Variants in SPAG16 observed in about 807,000 individuals in gnomAD.
SPAG16 encodes the protein sperm associated antigen 16.
Under a neutral mutation model 80.4 loss-of-function variants are expected in SPAG16, and 86 were observed. The ratio of observed to expected loss-of-function variants is 1.07; its 90% CI spans 0.90 to 1.28. The LOEUF is 1.28. SPAG16 is among the 50% of genes most tolerant of loss of function. The pLI is 0.00. For missense variants in SPAG16, 870 were observed against 765.3 expected (o/e 1.14, Z -1.61); for synonymous variants, 294 against 265.9 (o/e 1.11, Z -1.03).
At chr2:213,425,195 C>T (rs1227293696) in intron 9 of SPAG16, among the ~76,000 whole-genome samples, 4 of 151,714 alleles carry the variant, frequency 2.6e-5, no homozygotes, top group African/African-American at 4.8e-5. Flanking sequence ...TGGTGGTGGG[C>T]GCCTGTAGTC....
intron 9 of SPAG16, among the ~76,000 whole-genome samples, chr2:213,448,565 C>T (rs1202237815): frequency 6.6e-6 from 1 of 152,128 alleles, no homozygotes; most frequent in Non-Finnish European, 1.5e-5. Context: ...AGAGAATGAA[C>T]AAGCCTTCAT....
intron 15 of SPAG16, among the ~76,000 whole-genome samples, chr2:214,366,820 T>C (rs1212426342): frequency 6.6e-6 from 1 of 152,026 alleles, no homozygotes; most frequent in African/African-American, 2.4e-5. Context: ...TTAGACTACA[T>C]GTAGTACCTA....
In SPAG16 at chr2:213,964,457, T is replaced by G. The variant is rs577177441; in HGVS notation, c.1400+34312T>G. Among the ~76,000 whole-genome samples, 3 of 152,330 alleles carry G rather than the reference T, an allele frequency of 2.0e-5. No homozygotes were observed. The East Asian group carries it at 5.8e-4, about 29-fold the overall frequency. On this transcript the variant is annotated intron_variant, in intron 12 of 15. Coordinates refer to ENST00000331683, the MANE Select transcript of SPAG16 (RefSeq NM_024532.5). ...ATATTGATTTATTTGGGAATATTTT[T>G]ATTTCACCTTTTTTGAAATATAGTT...
rs918037673 is a variant in SPAG16 at position 214,220,256 on chromosome 2, T to G, written c.1720+70990T>G. ...CAGATCTTCTTATATCTAATCTGCT[T>G]ATAACTTTTACCTAGAAAATCAGCC... On this transcript the variant is annotated intron_variant, in intron 15 of 15. Coordinates refer to ENST00000331683, the MANE Select transcript of SPAG16 (RefSeq NM_024532.5). 3.3e-4 allele frequency among the ~76,000 whole-genome samples: 50 copies of G among 152,252 alleles called. No homozygotes were observed. The Middle Eastern group carries it at 0.01, about 31-fold the overall frequency.
intron 13 of SPAG16, among the ~76,000 whole-genome samples, chr2:214,017,605 T>A (rs866595601): frequency 2.6e-5 from 4 of 152,272 alleles, no homozygotes; most frequent in South Asian, 2.1e-4. Context: ...CATACAGCTG[T>A]TTATTGATGG....
At chr2:213,465,440 G>A (rs890965998) in intron 9 of SPAG16, among the ~76,000 whole-genome samples, 6 of 152,074 alleles carry the variant, frequency 3.9e-5, no homozygotes, top group South Asian at 2.1e-4. Flanking sequence ...CCTCTAAGGG[G>A]TTTTTTTGAG....
Position 213,324,214 on chromosome 2 carries a change from C to T in SPAG16, c.536+6858C>T, listed in dbSNP as rs1325187912. Among the ~76,000 whole-genome samples, 3 of 151,870 alleles carry T rather than the reference C, an allele frequency of 2.0e-5. No homozygotes were observed. In the South Asian group the frequency reaches 6.3e-4, roughly 32 times the overall value. On this transcript the variant is annotated intron_variant, in intron 5 of 15. Transcript: ENST00000331683. The stretch of plus-strand genomic sequence containing the variant: ...TAATCAACACTCTACTTTTGTCATT[C>T]TTATTTCACTTCTACTCTTACCCAT...
chr2:213,866,526 G>A (rs974873290), intron 11 of SPAG16, among the ~76,000 whole-genome samples: 1 of 150,324 alleles, frequency 6.7e-6, no homozygotes, highest in Non-Finnish European at 1.5e-5. Flanking sequence ...GTTAACACAC[G>A]TTTGCATATA....
At chr2:213,657,566 TTA>T (rs1007828012) in intron 10 of SPAG16, among the ~76,000 whole-genome samples, 3 of 152,184 alleles carry the variant, frequency 2.0e-5, no homozygotes, top group Admixed American at 1.3e-4. Context: ...TTTTAAATTT[TTA>T]TGTTTTTATG....
chr2:213,907,896 A>G (rs1170042391), intron 11 of SPAG16, among the ~76,000 whole-genome samples: 1 of 152,164 alleles, frequency 6.6e-6, no homozygotes, highest in Non-Finnish European at 1.5e-5. Context: ...ATAGAAAGAA[A>G]TGGTACAAAT....
intron 10 of SPAG16, among the ~76,000 whole-genome samples, chr2:213,577,450 T>G (rs536532479): frequency 2.0e-5 from 3 of 152,224 alleles, no homozygotes; most frequent in African/African-American, 7.2e-5. Flanking sequence ...TTTATGATAT[T>G]TTTCCAGTCC....
intron 10 of SPAG16, among the ~76,000 whole-genome samples, chr2:213,806,295 T>A (rs1275644036): frequency 6.6e-6 from 1 of 152,222 alleles, no homozygotes; most frequent in Non-Finnish European, 1.5e-5. Flanking sequence ...GAATTATGAA[T>A]ATAACTTTTA....
In SPAG16 at chr2:214,354,413, A is replaced by C. The variant is rs184855039; in HGVS notation, c.1721-55727A>C. Among the ~76,000 whole-genome samples, 311 of 152,294 alleles carry C rather than the reference A, an allele frequency of 2.0e-3. 1 individual carries two copies. Among genetic ancestry groups the C allele is most frequent in the African/African-American group, 6.8e-3 (283 of 41,550 alleles). On this transcript the variant is annotated intron_variant, in intron 15 of 15. Coordinates refer to ENST00000331683, the MANE Select transcript of SPAG16 (RefSeq NM_024532.5). ...TTTGGTTACTGTAGAGTTGTAGTAT[A>C]GTTTGAAGTCAGGTAGCATGATGCC... is the stretch of plus-strand genomic sequence containing the variant.
chr2:213,743,818 A>G (rs1286182659), intron 10 of SPAG16, among the ~76,000 whole-genome samples: 15 of 152,134 alleles, frequency 9.9e-5, no homozygotes, highest in Non-Finnish European at 1.5e-5. Flanking sequence ...AGCATCTTCA[A>G]ATACTTGTCT....
intron 15 of SPAG16, among the ~76,000 whole-genome samples, chr2:214,228,362 A>C (rs141128251): frequency 1.3e-5 from 2 of 151,916 alleles, no homozygotes; most frequent in African/African-American, 4.8e-5. Context: ...CTGATCAAGT[A>C]ATTTATCATG....
At chr2:214,160,406 C>T (rs1347207824) in intron 15 of SPAG16, among the ~76,000 whole-genome samples, 4 of 151,842 alleles carry the variant, frequency 2.6e-5, no homozygotes, top group Non-Finnish European at 5.9e-5. Context: ...CCTTCTGCTA[C>T]TTGTGCTTAT....
chr2:214,309,432 G>A (rs1695134781), intron 15 of SPAG16, among the ~76,000 whole-genome samples: 1 of 152,132 alleles, frequency 6.6e-6, no homozygotes, highest in Admixed American at 6.5e-5. Flanking sequence ...CCTCTCTGAA[G>A]AGGTGATGCA....
chr2:213,426,488 T>C (rs1575561292), intron 9 of SPAG16, among the ~76,000 whole-genome samples: 1 of 152,178 alleles, frequency 6.6e-6, no homozygotes, highest in Non-Finnish European at 1.5e-5. Flanking sequence ...TTTTTTCCTA[T>C]GGCTAATAAA....
At chr2:213,620,004 A>G (rs1455260865) in intron 10 of SPAG16, among the ~76,000 whole-genome samples, 3 of 152,208 alleles carry the variant, frequency 2.0e-5, no homozygotes, top group Non-Finnish European at 4.4e-5. Context: ...GAATTCTGAC[A>G]TTTAAGGCAA....
Sources: allele counts gnomAD v4.1 joint callset (sites outside exome capture counted in the v4.1 genomes callset), GRCh38; gene constraint gnomAD v4.1.1; transcripts MANE v1.5; gene names NCBI Gene and HGNC (gene_info 2026-07-23, HGNC 2026-07-21).